RIMS2: variants seen among roughly 807,000 people sequenced by gnomAD.
RIMS2 encodes the protein regulating synaptic membrane exocytosis protein 2.
In RIMS2, 59 loss-of-function variants were observed where a neutral mutation model predicts 174.4. That is an observed-to-expected ratio of 0.34 (90% CI 0.27 to 0.42). RIMS2 has a LOEUF of 0.42. Among genes scored for constraint, RIMS2 ranks in the 10% least tolerant of loss-of-function variants. RIMS2 has a pLI of 1.00. For synonymous variants in RIMS2, 606 were observed against 572.5 expected (o/e 1.06, Z -0.84); for missense variants, 1,620 against 1,666.3 (o/e 0.97, Z 0.48).
chr8:104,169,906 A>T (rs186602303), intron 19 of RIMS2, among the ~76,000 whole-genome samples: 1 of 151,986 alleles, frequency 6.6e-6, no homozygotes, highest in African/African-American at 2.4e-5. Context: ...TTTAATTTCC[A>T]TCTTAATTGT....
rs139236464 is a variant in RIMS2 at position 103,711,969 on chromosome 8, A to G, written c.387+14673A>G. ...CCCAATATATCTGAAAATGCATCCT[A>G]ACCATTTAAACTTTATTTTAGTTTT... On this transcript the variant is annotated intron_variant, in intron 2 of 23. Transcript: ENST00000504942. 6.1e-3 allele frequency among the ~76,000 whole-genome samples: 929 copies of G among 151,852 alleles called. 11 individuals carry two copies. Among genetic ancestry groups the G allele is most frequent in the African/African-American group, 0.021 (879 of 41,416 alleles).
At chr8:103,638,520 A>T (rs1012136156) in intron 1 of RIMS2, among the ~76,000 whole-genome samples, 1 of 152,042 alleles carries the variant, frequency 6.6e-6, no homozygotes, top group African/African-American at 2.4e-5. Context: ...TTATTTCTTG[A>T]GGGAGCATTA....
At chr8:103,645,846 T>G (rs1378057863) in intron 1 of RIMS2, among the ~76,000 whole-genome samples, 1 of 152,112 alleles carries the variant, frequency 6.6e-6, no homozygotes, top group Non-Finnish European at 1.5e-5. Context: ...AAATGAATAA[T>G]ATTAATTTCA....
intron 5 of RIMS2, 102 bp downstream of exon 8, chr8:103,910,631 A>C: frequency 9.0e-6 from 6 of 666,922 alleles, no homozygotes; most frequent in Non-Finnish European, 1.5e-5. Context: ...AGGGCATCTC[A>C]AGGGTCACTG....
chr8:103,537,284 T>C (rs911187107), intron 1 of RIMS2, among the ~76,000 whole-genome samples: 12 of 152,204 alleles, frequency 7.9e-5, no homozygotes, highest in African/African-American at 2.7e-4. Flanking sequence ...CTACAAATGC[T>C]ATATGGTTAA....
chr8:103,618,797 A>G (rs905058155), intron 1 of RIMS2, among the ~76,000 whole-genome samples: 2 of 152,052 alleles, frequency 1.3e-5, no homozygotes, highest in Non-Finnish European at 2.9e-5. Context: ...TGAACACATG[A>G]CTCAAGTGGA....
chr8:103,609,311 G>C (rs2095280890), intron 1 of RIMS2, among the ~76,000 whole-genome samples: 3 of 152,152 alleles, frequency 2.0e-5, no homozygotes, highest in South Asian at 2.1e-4. Flanking sequence ...TAGGTTGTCT[G>C]TTCACTTTGT....
chr8:103,696,311 T>C (rs887177726), intron 1 of RIMS2, among the ~76,000 whole-genome samples: 8 of 152,134 alleles, frequency 5.3e-5, no homozygotes, highest in Admixed American at 2.0e-4. Flanking sequence ...CTATCTAGTG[T>C]TTTTTCTCTC....
intron 17 of RIMS2, among the ~76,000 whole-genome samples, chr8:103,995,134 A>G (rs2094996234): frequency 6.6e-6 from 1 of 152,050 alleles, no homozygotes; most frequent in Non-Finnish European, 1.5e-5. Flanking sequence ...ATGTTTCTAG[A>G]ATGTTCTATA....
chr8:103,809,414 C>T (rs1442251360), intron 3 of RIMS2, among the ~76,000 whole-genome samples: 1 of 152,086 alleles, frequency 6.6e-6, no homozygotes, highest in Non-Finnish European at 1.5e-5. Flanking sequence ...TGCTATATTA[C>T]AGATAAAAAC....
At chr8:104,223,892 C>A (rs1278777638) in intron 19 of RIMS2, 2 of 926,800 alleles carry the variant, frequency 2.2e-6, no homozygotes, top group Non-Finnish European at 3.3e-6. Context: ...GTAGCAGTGT[C>A]CCAGCCCCTC....
intron 1 of RIMS2, among the ~76,000 whole-genome samples, chr8:103,644,002 A>C (rs76077614): frequency 0.01 from 1,576 of 152,154 alleles, 20 homozygotes; most frequent in Middle Eastern, 0.024. Flanking sequence ...ACAGAGCTTC[A>C]AGTGCATTTC....
At chr8:103,631,365 C>T (rs1459795821) in intron 1 of RIMS2, among the ~76,000 whole-genome samples, 2 of 152,190 alleles carry the variant, frequency 1.3e-5, no homozygotes, top group African/African-American at 4.8e-5. Context: ...CCAGTTAACC[C>T]AGTATCATTT....
At chr8:103,875,337 C>A (rs1419867781) in intron 3 of RIMS2, among the ~76,000 whole-genome samples, 2 of 151,856 alleles carry the variant, frequency 1.3e-5, no homozygotes, top group Admixed American at 6.6e-5. Context: ...GGCTTAGCTC[C>A]CACTTATGAG....
intron 19 of RIMS2, among the ~76,000 whole-genome samples, chr8:104,122,023 C>T (rs901231992): frequency 6.6e-5 from 10 of 151,728 alleles, no homozygotes; most frequent in African/African-American, 2.4e-4. Context: ...ACACAAAATC[C>T]CTGTCATCAT....
At chr8:104,111,147 G>T (rs892363760) in intron 19 of RIMS2, among the ~76,000 whole-genome samples, 7 of 152,046 alleles carry the variant, frequency 4.6e-5, no homozygotes, top group South Asian at 2.1e-4. Flanking sequence ...ATCAAGTAAG[G>T]ATTAACAAAT....
At chr8:103,798,268 T>A (rs1028920505) in intron 3 of RIMS2, among the ~76,000 whole-genome samples, 3 of 152,130 alleles carry the variant, frequency 2.0e-5, no homozygotes, top group African/African-American at 7.2e-5. Flanking sequence ...TTTAGAAATA[T>A]ATAAAAGTAG....
At chr8:103,947,872 A>G (rs1357131853) in intron 14 of RIMS2, among the ~76,000 whole-genome samples, 1 of 152,210 alleles carries the variant, frequency 6.6e-6, no homozygotes, top group African/African-American at 2.4e-5. Context: ...TGGGACCGCT[A>G]TCTTATATAC....
chr8:104,144,367 C>T (rs2098610807), intron 19 of RIMS2, among the ~76,000 whole-genome samples: 1 of 152,096 alleles, frequency 6.6e-6, no homozygotes, highest in Non-Finnish European at 1.5e-5. Flanking sequence ...TATCAACACT[C>T]AATCTATTGT....
Sources: gnomAD v4.1 joint callset for allele counts (sites outside exome capture counted in the v4.1 genomes callset) on GRCh38, gnomAD v4.1.1 for gene constraint, MANE v1.5 for transcripts, NCBI Gene and HGNC (gene_info 2026-07-23, HGNC 2026-07-21) for gene names.